The following KCNH8 variants were observed in gnomAD, a reference collection of about 807,000 sequenced individuals.
KCNH8 encodes voltage-gated delayed rectifier potassium channel KCNH8.
Under a neutral mutation model 103.6 loss-of-function variants are expected in KCNH8, and 70 were observed. The observed-to-expected ratio is 0.68, with a 90% CI of 0.56 to 0.82. The LOEUF (loss-of-function observed/expected upper bound fraction) is 0.82. Ranked by LOEUF, KCNH8 falls within the 40% of genes least tolerant of loss-of-function variation. The pLI, the probability that KCNH8 is intolerant of heterozygous loss-of-function variation, is 0.00. For synonymous variants in KCNH8, 498 were observed against 489.4 expected (o/e 1.02, Z -0.23); for missense variants, 1,217 against 1,329.9 (o/e 0.92, Z 1.32).
chr3:19,362,492 A>G (rs1010379722), intron 5 of KCNH8, among the ~76,000 whole-genome samples: 1 of 152,126 alleles, frequency 6.6e-6, no homozygotes, highest in African/African-American at 2.4e-5. Context: ...CACCTGTCTC[A>G]TGGGAAATTT....
At chr3:19,163,988 G>A (rs911397574) in intron 1 of KCNH8, among the ~76,000 whole-genome samples, 10 of 152,174 alleles carry the variant, frequency 6.6e-5, no homozygotes, top group Non-Finnish European at 1.0e-4. Context: ...GTCAACAGCA[G>A]GCTATTGGTA....
At chr3:19,190,703 C>A (rs1381015116) in intron 1 of KCNH8, among the ~76,000 whole-genome samples, 1 of 151,828 alleles carries the variant, frequency 6.6e-6, no homozygotes, top group Non-Finnish European at 1.5e-5. Flanking sequence ...ACTGAAGCAA[C>A]AAGTGCGATT....
At chr3:19,444,305 T>C (rs1307632984) in intron 8 of KCNH8, among the ~76,000 whole-genome samples, 1 of 152,036 alleles carries the variant, frequency 6.6e-6, no homozygotes, top group Non-Finnish European at 1.5e-5. Flanking sequence ...TATATCTACC[T>C]GTTGGAAGAC....
chr3:19,419,285 T>C (rs201397775), intron 7 of KCNH8, among the ~76,000 whole-genome samples: 6,373 of 147,454 alleles, frequency 0.043, 291 homozygotes, highest in East Asian at 0.24. Flanking sequence ...CTGCAAGCTC[T>C]GCCTCCCGGG....
At chr3:19,437,043 CT>C (rs2067209865) in intron 7 of KCNH8, among the ~76,000 whole-genome samples, 1 of 152,092 alleles carries the variant, frequency 6.6e-6, no homozygotes, top group South Asian at 2.1e-4. Context: ...TTTTAATTAC[CT>C]AGCACAGTTT....
At chr3:19,161,010 G>A (rs2063228808) in intron 1 of KCNH8, among the ~76,000 whole-genome samples, 2 of 152,124 alleles carry the variant, frequency 1.3e-5, no homozygotes, top group African/African-American at 4.8e-5. Context: ...AAGTAAAAGA[G>A]TGAGAAGAGG....
At chr3:19,478,957 T>C (rs1043892978) in intron 11 of KCNH8, among the ~76,000 whole-genome samples, 1 of 152,206 alleles carries the variant, frequency 6.6e-6, no homozygotes, top group Non-Finnish European at 1.5e-5. Context: ...TATAACACTG[T>C]AAATGACTGA....
chr3:19,162,358 C>CAAAAAAA (rs1170369183), intron 1 of KCNH8, among the ~76,000 whole-genome samples: 1 of 75,824 alleles, frequency 1.3e-5, no homozygotes. Context: ...ACTAAAAATA[C>CAAAAAAA]AAAAAAAAAA....
chr3:19,401,256 A>C (rs1165608310), intron 7 of KCNH8, among the ~76,000 whole-genome samples: 3 of 152,130 alleles, frequency 2.0e-5, no homozygotes, highest in Admixed American at 6.6e-5. Context: ...GGTTTTTAAA[A>C]TGTCTTGAGA....
intron 11 of KCNH8, among the ~76,000 whole-genome samples, chr3:19,476,525 G>A (rs778735473): frequency 3.3e-5 from 5 of 152,116 alleles, no homozygotes; most frequent in Non-Finnish European, 7.4e-5. Flanking sequence ...CTAAGTAGGA[G>A]CCATTGTACC....
At chr3:19,200,067 T>G (rs2063641264) in intron 1 of KCNH8, among the ~76,000 whole-genome samples, 1 of 152,070 alleles carries the variant, frequency 6.6e-6, no homozygotes, top group African/African-American at 2.4e-5. Context: ...AAATAAGTGA[T>G]TAAAAATAAA....
intron 2 of KCNH8, 54 bp downstream of exon 2, chr3:19,253,941 T>G: frequency 2.4e-6 from 3 of 1,260,676 alleles, no homozygotes; most frequent in Non-Finnish European, 3.5e-6. Flanking sequence ...CCGTCTTCTT[T>G]CAACCTAGTA....
Position 19,438,351 on chromosome 3 carries a change from G to T in KCNH8, c.1365G>T (p.Met455Ile). 1 of 1,613,448 alleles carries T rather than the reference G, an allele frequency of 6.2e-7. No individual in the cohort carries two copies. Among genetic ancestry groups the T allele is most frequent in the Non-Finnish European group, 8.5e-7 (1 of 1,179,718 alleles). Reference protein sequence around the residue: ...DAEKIFSICTMLIGALMHALV... With the variant: ...DAEKIFSICTILIGALMHALV... ...AAAAGATCTTCTCCATCTGCACCAT[G>T]CTGATTGGTGGTAAGAGAGCATCTT... Residue 455 changes from methionine to isoleucine, a missense_variant, in exon 8 of 16, where the codon ATG (methionine) becomes ATT (isoleucine). This residue lies in a region of KCNH8 where 415 missense variants were observed against 577.4 expected (regional missense o/e 0.72). Transcript: ENST00000328405.
rs2068858214 is a variant in KCNH8, at chr3:19,515,441, T to C, written c.2542+13T>C. ...CCTCCTCTTGGAGGTAAGATCTATA[T>C]TTAGTCTTCTCCTAAGGTAAAATAT... On this transcript the variant is annotated intron_variant, in intron 14 of 15. Coordinates refer to ENST00000328405, the MANE Select transcript of KCNH8 (RefSeq NM_144633.3). The C allele has an allele frequency of 7.6e-7, 1 of 1,317,602 alleles. No homozygotes were observed. The highest frequency in any genetic ancestry group is 2.4e-5 in the Admixed American group (1 of 41,410). The allele number at this position is 1,317,602 out of a possible 1,614,324, so 81.6% of individuals were successfully genotyped here.
intron 5 of KCNH8, among the ~76,000 whole-genome samples, chr3:19,376,157 C>T (rs2066196171): frequency 6.6e-6 from 1 of 152,218 alleles, no homozygotes; most frequent in African/African-American, 2.4e-5. Flanking sequence ...GCTTTGTTTA[C>T]CTAAGCAAGC....
chr3:19,513,277 TG>T lies in KCNH8; in HGVS notation c.2388del (p.Leu796PhefsTer6). 6.2e-7 allele frequency: 1 copy of T among 1,612,532 alleles called. No homozygotes were observed. Among genetic ancestry groups the T allele is most frequent in the Non-Finnish European group, 8.5e-7 (1 of 1,179,522 alleles). On this transcript the variant is annotated frameshift_variant, in exon 13 of 16. Coordinates refer to ENST00000328405, the MANE Select transcript of KCNH8 (RefSeq NM_144633.3). LOFTEE classifies it high-confidence loss of function. ...HNKRKEKNLK[L>X]QLSTLNNAGP... ...AAAAGGAAAGAGAAGAACTTGAAAT[TG>T]CAACTTTCAACTTTGAATAATGCTG...
intron 2 of KCNH8, among the ~76,000 whole-genome samples, chr3:19,264,160 C>G (rs1351129718): frequency 6.6e-6 from 1 of 151,938 alleles, no homozygotes; most frequent in Non-Finnish European, 1.5e-5. Flanking sequence ...ATATTTGCCT[C>G]TTAGGTCTTT....
intron 2 of KCNH8, among the ~76,000 whole-genome samples, chr3:19,278,547 A>AAGGG (rs1233553544): frequency 9.0e-6 from 1 of 110,940 alleles, no homozygotes; most frequent in South Asian, 3.8e-4. Flanking sequence ...ATAAGGGAGG[A>AAGGG]AGGGAGGGAG....
chr3:19,188,564 C>A (rs73048540), intron 1 of KCNH8, among the ~76,000 whole-genome samples: 1 of 151,876 alleles, frequency 6.6e-6, no homozygotes, highest in African/African-American at 2.4e-5. Context: ...TAATAAAAAT[C>A]GATTTATAAA....
Sources: gnomAD v4.1 joint callset for allele counts (sites outside exome capture counted in the v4.1 genomes callset) on GRCh38, gnomAD v4.1.1 for gene constraint, gnomAD v4.1.1 regional missense constraint, MANE v1.5 for transcripts, NCBI Gene and HGNC (gene_info 2026-07-23, HGNC 2026-07-21) for gene names.